The following HSDL2 variants were observed in gnomAD, a reference collection of about 807,000 sequenced individuals.
HSDL2 encodes hydroxysteroid dehydrogenase like 2.
HSDL2 carries 27 observed loss-of-function variants against 46.3 expected under a neutral mutation model. The observed-to-expected ratio is 0.58, with a 90% CI of 0.43 to 0.80. HSDL2 has a LOEUF of 0.80. Among genes scored for constraint, HSDL2 ranks in the 30% least tolerant of loss-of-function variants. The probability of loss-of-function intolerance (pLI) is 0.00; values close to 1 mark genes in which losing one functional copy is unlikely to be tolerated. For missense variants in HSDL2, 451 were observed against 502.7 expected (o/e 0.90, Z 0.98); for synonymous variants, 153 against 163.6 (o/e 0.94, Z 0.50).
intron 8 of HSDL2, among the ~76,000 whole-genome samples, chr9:112,442,321 G>T (rs1043621784): frequency 6.7e-6 from 1 of 148,952 alleles, no homozygotes; most frequent in Non-Finnish European, 1.5e-5. Context: ...TATTCTTTGC[G>T]TTTGGTTAAA....
intron 4 of HSDL2, among the ~76,000 whole-genome samples, chr9:112,410,743 A>G (rs1158898647): frequency 6.6e-6 from 1 of 152,204 alleles, no homozygotes; most frequent in Admixed American, 6.5e-5. Flanking sequence ...CCTAGACAAC[A>G]TGGCAAAACC....
chr9:112,418,929 T>C lies in HSDL2; in HGVS notation c.569T>C (p.Ile190Thr). 6.2e-7 allele frequency: 1 copy of C among 1,601,586 alleles called. No homozygotes were observed. Among genetic ancestry groups the C allele is most frequent in the Non-Finnish European group, 8.5e-7 (1 of 1,170,676 alleles). ...LGMAEEFKGEIAVNALWPKTA... is the reference protein window; with the variant it reads ...LGMAEEFKGETAVNALWPKTA... ...ATGGCAGAAGAATTTAAAGGTGAAA[T>C]TGCAGTCAATGCATTATGGCCTAAA... is the stretch of plus-strand genomic sequence containing the variant. The change falls in exon 6 of 11, where the codon ATT (isoleucine) becomes ACT (threonine). Residue 190 changes from isoleucine to threonine, a missense_variant. By Grantham distance (89) the Ile-to-Thr change is moderately conservative (BLOSUM62 -1). Transcript: ENST00000398805.
chr9:112,407,759 C>T (rs1298120142), intron 3 of HSDL2, among the ~76,000 whole-genome samples: 3 of 152,088 alleles, frequency 2.0e-5, no homozygotes, highest in Non-Finnish European at 4.4e-5. Context: ...GTAAAATACA[C>T]ATAACATAAA....
rs987924664 is a variant in HSDL2, at chr9:112,472,358, G to C, written c.*1814G>C. On this transcript the variant is annotated 3_prime_UTR_variant, in exon 11 of 11. Transcript: ENST00000398805. The stretch of plus-strand genomic sequence containing the variant: ...GGCTTCTGTTTTATTTTGTAGGCTG[G>C]ATGCTACCCAGTTCATGAATCGCTA... 1 of 152,158 alleles carries C rather than the reference G, an allele frequency of 6.6e-6. No individual in the cohort carries two copies. The highest frequency in any genetic ancestry group is 1.5e-5 in the Non-Finnish European group (1 of 68,040). The allele number at this position is 152,158 out of a possible 1,614,324, so 9.4% of individuals were successfully genotyped here.
chr9:112,441,661 A>C (rs1832640020), intron 7 of HSDL2, 38 bp from the exon 8 acceptor site: 1 of 1,304,098 alleles, frequency 7.7e-7, no homozygotes, highest in Non-Finnish European at 1.1e-6. Flanking sequence ...ACTATGTTGT[A>C]GTTACATTAA....
intron 6 of HSDL2, among the ~76,000 whole-genome samples, chr9:112,437,105 G>A (rs1418507771): frequency 2.0e-5 from 3 of 151,618 alleles, no homozygotes; most frequent in Admixed American, 6.6e-5. Context: ...GACTACAGGC[G>A]CTCGCCACCA....
chr9:112,393,854 T>C (rs764218173), intron 1 of HSDL2, among the ~76,000 whole-genome samples: 1 of 152,216 alleles, frequency 6.6e-6, no homozygotes, highest in Non-Finnish European at 1.5e-5. Flanking sequence ...CATCCAAATT[T>C]TGATATTTCC....
At position 112,447,338 on chromosome 9, in the gene HSDL2, C is replaced by T. The variant is rs185936817; in HGVS notation, c.865+5568C>T. Among the ~76,000 whole-genome samples the T allele has an allele frequency of 1.1e-4, 16 of 151,996 alleles. No homozygotes were observed. The East Asian group carries it at 2.7e-3, about 26-fold the overall frequency. On this transcript the variant is annotated intron_variant, in intron 8 of 10. Transcript: ENST00000398805. ...CTCTTGTGCAAACTCATCATGTTTA[C>T]GTCTCAATAATCCAGGTGATAAATT...
chr9:112,381,097 A>ACACACACACACACACC, intron 1 of HSDL2, among the ~76,000 whole-genome samples: 1 of 132,274 alleles, frequency 7.6e-6, no homozygotes, highest in East Asian at 2.0e-4. Flanking sequence ...ATACACACAC[A>ACACACACACACACACC]CACACACACA....
intron 1 of HSDL2, among the ~76,000 whole-genome samples, chr9:112,399,714 G>C (rs7019825): frequency 0.48 from 72,596 of 151,978 alleles, 17,742 homozygotes; most frequent in Admixed American, 0.55. Context: ...CGCCTACTTG[G>C]ACATCCGTTT....
At chr9:112,403,890 C>T in intron 1 of HSDL2, 105 bp from the exon 2 acceptor site, 1 of 1,233,624 alleles carries the variant, frequency 8.1e-7, no homozygotes, top group South Asian at 1.5e-5. Context: ...GAGAAAATTT[C>T]ACAGAGGAGG....
At chr9:112,416,164 C>G (rs1831986468) in intron 4 of HSDL2, among the ~76,000 whole-genome samples, 1 of 150,068 alleles carries the variant, frequency 6.7e-6, no homozygotes, top group Non-Finnish European at 1.5e-5. Flanking sequence ...AATCCTAGTA[C>G]TTTGGGAGGC....
At chr9:112,460,383 C>T (rs1345260832) in intron 10 of HSDL2, among the ~76,000 whole-genome samples, 2 of 152,202 alleles carry the variant, frequency 1.3e-5, no homozygotes, top group South Asian at 2.1e-4. Context: ...AATCTGTATA[C>T]GGTGTACTAA....
Position 112,405,739 on chromosome 9 carries a change from GA to G in HSDL2, c.280+23del, listed in dbSNP as rs761439733. ...AATTTGGAGGTAATACCTTCATTCTGAAAAAATTATTGGATATTGGTAAAAT... is the reference window on the plus strand; with the variant it reads ...AATTTGGAGGTAATACCTTCATTCTGAAAAATTATTGGATATTGGTAAAAT... On this transcript the variant is annotated intron_variant, in intron 3 of 10. Coordinates refer to ENST00000398805, the MANE Select transcript of HSDL2 (RefSeq NM_032303.5). 284 of 1,460,028 alleles carry G rather than the reference GA, an allele frequency of 1.9e-4. No homozygotes were observed. The highest frequency in any genetic ancestry group is 2.6e-4 in the Non-Finnish European group (276 of 1,054,098). 90.4% of individuals were successfully genotyped at this position (1,460,028 alleles called of 1,614,324 possible).
At chr9:112,461,655 T>C (rs1043048743) in intron 10 of HSDL2, among the ~76,000 whole-genome samples, 3 of 152,356 alleles carry the variant, frequency 2.0e-5, no homozygotes, top group South Asian at 2.1e-4. Flanking sequence ...CAATAAAATA[T>C]GTTCTCCATT....
At chr9:112,399,887 G>T (rs974267409) in intron 1 of HSDL2, among the ~76,000 whole-genome samples, 1 of 151,948 alleles carries the variant, frequency 6.6e-6, no homozygotes, top group Non-Finnish European at 1.5e-5. Flanking sequence ...TTTACAATCA[G>T]TTTGTACAGT....
chr9:112,383,484 C>T (rs1831146616), intron 1 of HSDL2, among the ~76,000 whole-genome samples: 1 of 152,036 alleles, frequency 6.6e-6, no homozygotes, highest in Non-Finnish European at 1.5e-5. Context: ...TTTTATCCCC[C>T]TGAGATTTCT....
intron 6 of HSDL2, among the ~76,000 whole-genome samples, chr9:112,429,010 G>A (rs1209677343): frequency 2.0e-5 from 3 of 152,056 alleles, no homozygotes; most frequent in Non-Finnish European, 1.5e-5. Context: ...GCGATTCTCA[G>A]GCCACAGCCT....
In HSDL2 at chr9:112,470,566, C is replaced by A. The variant is rs182022553; in HGVS notation, c.*22C>A. ...GTGAAGGAAAATATAAAAAAAAAGT[C>A]GACTGCTATGCTCAAAAAGTAAAAA... On this transcript the variant is annotated 3_prime_UTR_variant, in exon 11 of 11. Transcript: ENST00000398805. 5 of 1,338,090 alleles carry A rather than the reference C, an allele frequency of 3.7e-6. No individual in the cohort carries two copies. In the Admixed American group the frequency reaches 5.9e-5, roughly 16 times the overall value. The allele number at this position is 1,338,090 out of a possible 1,614,324, so 82.9% of individuals were successfully genotyped here.
Sources: allele counts gnomAD v4.1 joint callset (sites outside exome capture counted in the v4.1 genomes callset), GRCh38; gene constraint gnomAD v4.1.1; transcripts MANE v1.5; gene names NCBI Gene and HGNC (gene_info 2026-07-23, HGNC 2026-07-21).